The following PIK3C2A variants were observed in gnomAD, a reference collection of about 807,000 sequenced individuals.
The protein encoded by PIK3C2A is phosphatidylinositol-4-phosphate 3-kinase catalytic subunit type 2 alpha, also known as phosphatidylinositol 4-phosphate 3-kinase C2 domain-containing subunit alpha.
Under a neutral mutation model 204.5 loss-of-function variants are expected in PIK3C2A, and 97 were observed. The observed-to-expected ratio is 0.47, with a 90% confidence interval of 0.40 to 0.56. The LOEUF (loss-of-function observed/expected upper bound fraction) is 0.56, where lower values mean the gene tolerates loss of function less well. Ranked by LOEUF, PIK3C2A falls within the 20% of genes least tolerant of loss-of-function variation. PIK3C2A has a pLI of 0.00. For missense variants in PIK3C2A, 1,735 were observed against 1,969.2 expected (o/e 0.88, Z 2.25); for synonymous variants, 653 against 664.4 (o/e 0.98, Z 0.26).
In PIK3C2A at chr11:17,092,071, A is replaced by G; in HGVS notation, c.4570-3T>C. The stretch of plus-strand genomic sequence containing the variant: ...AAGAAAGTACAAACAAGATCACACT[A>G]AGAATAAAGAGAAAGCAATTCATTA... On this transcript the variant is annotated splice_region_variant and splice_polypyrimidine_tract_variant and intron_variant, in intron 29 of 32. Coordinates refer to ENST00000691414, the MANE Select transcript of PIK3C2A (RefSeq NM_002645.4). 1 of 1,600,248 alleles carries G rather than the reference A, an allele frequency of 6.2e-7. No individual in the cohort carries two copies. Among genetic ancestry groups the G allele is most frequent in the Non-Finnish European group, 8.6e-7 (1 of 1,167,464 alleles).
Position 17,155,610 on chromosome 11 carries a change from C to T in PIK3C2A, c.1085G>A (p.Ser362Asn), listed in dbSNP as rs1315784996. The change falls in exon 3 of 33, where the codon AGT becomes AAT. Residue 362 changes from serine (S) to asparagine (N), a missense_variant. Coordinates refer to ENST00000691414, the MANE Select transcript of PIK3C2A (RefSeq NM_002645.4). ...AAGAGAACTTCCAGTTGGCAAACTA[C>T]TGGTCCCATTTGGGTCTTTCTGTAA... ...HISQKDPNGT[S>N]SLPTGSSLLQ... 12 of 1,603,272 alleles carry T rather than the reference C, an allele frequency of 7.5e-6. No individual in the cohort carries two copies. The highest frequency in any genetic ancestry group is 1.0e-5 in the Non-Finnish European group (12 of 1,171,446).
intron 9 of PIK3C2A, 152 bp downstream of exon 9, chr11:17,136,330 A>C (rs1237050888): frequency 1.1e-5 from 7 of 632,838 alleles, no homozygotes; most frequent in Non-Finnish European, 1.6e-5. Context: ...CCAACTTCTT[A>C]CCAAGGAATC....
chr11:17,116,001 GAC>G (rs1285351694), intron 19 of PIK3C2A, among the ~76,000 whole-genome samples: 1 of 152,024 alleles, frequency 6.6e-6, no homozygotes, highest in Non-Finnish European at 1.5e-5. Context: ...TCTTAGATAT[GAC>G]ACTAAAAGCA....
At chr11:17,173,270 G>A (rs1851236123) in intron 1 of PIK3C2A, among the ~76,000 whole-genome samples, 1 of 152,096 alleles carries the variant, frequency 6.6e-6, no homozygotes. Context: ...AAATAGAACT[G>A]GCCATTTCTA....
chr11:17,135,167 T>A lies in PIK3C2A; in HGVS notation c.1849-8A>T. 1 of 1,613,204 alleles carries A rather than the reference T, an allele frequency of 6.2e-7. No individual in the cohort carries two copies. The highest frequency in any genetic ancestry group is 8.5e-7 in the Non-Finnish European group (1 of 1,179,310). ...TCCAAACAAAGAAGTCACCTACACATGCACACACACACACAATAGTCAGAA... is the reference window on the plus strand; with the variant it reads ...TCCAAACAAAGAAGTCACCTACACAAGCACACACACACACAATAGTCAGAA... On this transcript the variant is annotated splice_polypyrimidine_tract_variant and splice_region_variant and intron_variant, in intron 9 of 32. Coordinates refer to ENST00000691414, the MANE Select transcript of PIK3C2A (RefSeq NM_002645.4).
chr11:17,172,378 A>G (rs2042103023), intron 1 of PIK3C2A, among the ~76,000 whole-genome samples: 1 of 152,188 alleles, frequency 6.6e-6, no homozygotes, highest in Non-Finnish European at 1.5e-5. Context: ...GGGGCCAGCT[A>G]ACAGCCAGCA....
chr11:17,178,191 C>T (rs1157305899), intron 1 of PIK3C2A, among the ~76,000 whole-genome samples: 1 of 149,664 alleles, frequency 6.7e-6, no homozygotes. Flanking sequence ...TTTAATCTAT[C>T]AAAAATATTG....
chr11:17,178,354 G>A (rs1445728461), intron 1 of PIK3C2A, among the ~76,000 whole-genome samples: 1 of 152,038 alleles, frequency 6.6e-6, no homozygotes, highest in East Asian at 1.9e-4. Flanking sequence ...AGTGAACAGT[G>A]CAAGGTTAGA....
chr11:17,184,635 T>C (rs369265696), intron 1 of PIK3C2A, among the ~76,000 whole-genome samples: 2 of 152,232 alleles, frequency 1.3e-5, no homozygotes, highest in South Asian at 2.1e-4. Context: ...GTTAATTTAT[T>C]ACTAAGGAAA....
rs546307818 is a variant in PIK3C2A at position 17,186,585 on chromosome 11, A to G, written c.-65-16779T>C. Among the ~76,000 whole-genome samples the G allele has an allele frequency of 7.2e-5, 11 of 152,294 alleles. No individual in the cohort carries two copies. In the South Asian group the frequency reaches 2.3e-3, roughly 32 times the overall value. On this transcript the variant is annotated intron_variant, in intron 1 of 32. Transcript: ENST00000691414. Reference sequence around the variant, plus strand: ...TTTTTAACCCCCTCTTGTTGCATTCATTTTTAAAGTATTTAGAAGCCATCT... The same window carrying G: ...TTTTTAACCCCCTCTTGTTGCATTCGTTTTTAAAGTATTTAGAAGCCATCT...
intron 5 of PIK3C2A, chr11:17,148,141 G>A (rs1484031160): frequency 6.5e-6 from 1 of 152,812 alleles, no homozygotes; most frequent in African/African-American, 2.4e-5. Flanking sequence ...CCCGGGAGGT[G>A]GAGGTTGTGG....
At chr11:17,180,915 G>C (rs902354415) in intron 1 of PIK3C2A, among the ~76,000 whole-genome samples, 1 of 151,740 alleles carries the variant, frequency 6.6e-6, no homozygotes, top group African/African-American at 2.4e-5. Flanking sequence ...TAATTTGCTA[G>C]AATGGTTCAC....
Position 17,122,349 on chromosome 11 carries a change from G to T in PIK3C2A, c.2512-16C>A. The stretch of plus-strand genomic sequence containing the variant: ...GAAAATCAACCTTTAAAATTTAACA[G>T]AAATTGATCAAATTACAGTCTACGT... On this transcript the variant is annotated splice_polypyrimidine_tract_variant and intron_variant, in intron 14 of 32. Coordinates refer to ENST00000691414, the MANE Select transcript of PIK3C2A (RefSeq NM_002645.4). 2 of 1,474,580 alleles carry T rather than the reference G, an allele frequency of 1.4e-6. No homozygotes were observed. Among genetic ancestry groups the T allele is most frequent in the Non-Finnish European group, 1.9e-6 (2 of 1,066,994 alleles). The allele number at this position is 1,474,580 out of a possible 1,614,324, so 91.3% of individuals were successfully genotyped here. A position where few individuals can be genotyped will look rare whatever the true frequency, so the allele number is the denominator to read the frequency against.
At chr11:17,180,521 C>CAAA (rs1251030791) in intron 1 of PIK3C2A, among the ~76,000 whole-genome samples, 1 of 131,718 alleles carries the variant, frequency 7.6e-6, no homozygotes, top group African/African-American at 2.8e-5. Flanking sequence ...ACAACAACAA[C>CAAA]AAAAAACAAA....
At chr11:17,188,323 AGAGT>A (rs1851825162) in intron 1 of PIK3C2A, among the ~76,000 whole-genome samples, 1 of 146,182 alleles carries the variant, frequency 6.8e-6, no homozygotes, top group South Asian at 2.1e-4. Flanking sequence ...CCTGGGTGAC[AGAGT>A]GAGACCCTGT....
intron 1 of PIK3C2A, among the ~76,000 whole-genome samples, chr11:17,198,656 G>A (rs1220539867): frequency 6.6e-6 from 1 of 152,150 alleles, no homozygotes; most frequent in African/African-American, 2.4e-5. Flanking sequence ...ACTGTGCACA[G>A]TGGCATGCAT....
chr11:17,112,751 C>T (rs969860371), intron 20 of PIK3C2A, 85 bp from the exon 21 acceptor site: 6 of 567,316 alleles, frequency 1.1e-5, no homozygotes, highest in Non-Finnish European at 1.9e-5. Flanking sequence ...TCCCCTTTCA[C>T]TTCTTCCTTT....
chr11:17,096,313 T>G (rs145146402), intron 27 of PIK3C2A, among the ~76,000 whole-genome samples: 1,985 of 152,288 alleles, frequency 0.013, 36 homozygotes, highest in African/African-American at 0.046. Flanking sequence ...GCTGGGATTA[T>G]AGGCATGAGC....
intron 19 of PIK3C2A, among the ~76,000 whole-genome samples, chr11:17,116,042 C>A (rs7932756): frequency 0.022 from 3,342 of 152,060 alleles, 118 homozygotes; most frequent in African/African-American, 0.077. Flanking sequence ...AATAGATAAA[C>A]TGGACTTCAT....
Sources: allele counts gnomAD v4.1 joint callset (sites outside exome capture counted in the v4.1 genomes callset), GRCh38; gene constraint gnomAD v4.1.1; transcripts MANE v1.5; gene names NCBI Gene and HGNC (gene_info 2026-07-23, HGNC 2026-07-21).